Variants in NPAS3 observed in about 807,000 individuals in gnomAD.
NPAS3 encodes the protein neuronal PAS domain-containing protein 3.
Under a neutral mutation model 73.1 loss-of-function variants are expected in NPAS3, and 14 were observed. The ratio of observed to expected loss-of-function variants is 0.19; its 90% confidence interval spans 0.13 to 0.30. The LOEUF is 0.30. Among genes scored for constraint, NPAS3 ranks in the 10% least tolerant of loss-of-function variants. The pLI, the probability that NPAS3 is intolerant of heterozygous loss-of-function variation, is 1.00. For synonymous variants in NPAS3, 620 were observed against 541.5 expected, an observed-to-expected ratio of 1.14 and a Z score of -2.01; for missense variants, 1,096 against 1,250.0, an observed-to-expected ratio of 0.88 and a Z score of 1.86.
At chr14:33,064,472 T>C (rs909957515) in intron 2 of NPAS3, among the ~76,000 whole-genome samples, 1 of 152,206 alleles carries the variant, frequency 6.6e-6, no homozygotes, top group Non-Finnish European at 1.5e-5. Flanking sequence ...TGGATTTGTG[T>C]TACCTTGGAG....
chr14:32,975,873 GT>G (rs1219672531), intron 1 of NPAS3, among the ~76,000 whole-genome samples: 5 of 107,260 alleles, frequency 4.7e-5, no homozygotes, highest in Non-Finnish European at 1.1e-4. Flanking sequence ...GTGTGTGTGT[GT>G]GTGTGTGTGT....
At chr14:33,555,324 T>G (rs1024539615) in intron 4 of NPAS3, among the ~76,000 whole-genome samples, 20 of 152,252 alleles carry the variant, frequency 1.3e-4, no homozygotes, top group Non-Finnish European at 1.2e-4. Flanking sequence ...TTGTGTAGGT[T>G]CTTTTTCATC....
chr14:33,265,997 A>G (rs575001509), intron 3 of NPAS3, among the ~76,000 whole-genome samples: 8 of 151,262 alleles, frequency 5.3e-5, no homozygotes, highest in South Asian at 2.1e-4. Flanking sequence ...TAAATATGTA[A>G]TATAAATAAA....
intron 4 of NPAS3, among the ~76,000 whole-genome samples, chr14:33,419,280 G>A (rs995947168): frequency 1.3e-5 from 2 of 151,690 alleles, no homozygotes; most frequent in Non-Finnish European, 2.9e-5. Flanking sequence ...AAGAGACAAA[G>A]ATAAGAAAGA....
At chr14:33,371,718 T>C (rs779316543) in intron 4 of NPAS3, among the ~76,000 whole-genome samples, 49 of 152,184 alleles carry the variant, frequency 3.2e-4, no homozygotes, top group African/African-American at 1.1e-3. Context: ...AAAGAGAAGA[T>C]AAAATATTGA....
chr14:33,560,223 A>AT lies in NPAS3; in HGVS notation c.558+17dup, dbSNP rs2055574208. ...AGGCCTCTCACAAGTAAGTAAAACA[A>AT]TTTTAGATTCTTGGCAGCGATTATG... On this transcript the variant is annotated intron_variant, in intron 5 of 11. Transcript: ENST00000356141. The AT allele has an allele frequency of 1.2e-6, 1 of 858,586 alleles. No homozygotes were observed. Among genetic ancestry groups the AT allele is most frequent in the African/African-American group, 1.6e-5 (1 of 60,838 alleles). 53.2% of individuals were successfully genotyped at this position (858,586 alleles called of 1,614,324 possible). A position where few individuals can be genotyped will look rare whatever the true frequency, so the allele number is the denominator to read the frequency against.
At chr14:33,263,333 C>T (rs928846853) in intron 3 of NPAS3, among the ~76,000 whole-genome samples, 7 of 152,316 alleles carry the variant, frequency 4.6e-5, no homozygotes, top group African/African-American at 9.6e-5. Context: ...CAGCTTTCTA[C>T]GTATGGCTAA....
At chr14:33,170,512 G>T (rs888398644) in intron 2 of NPAS3, among the ~76,000 whole-genome samples, 1 of 152,170 alleles carries the variant, frequency 6.6e-6, no homozygotes, top group Non-Finnish European at 1.5e-5. Context: ...TTTCATTAAA[G>T]ATTTCTCTAG....
At chr14:33,312,488 GA>G (rs2043042905) in intron 3 of NPAS3, among the ~76,000 whole-genome samples, 2 of 151,866 alleles carry the variant, frequency 1.3e-5, no homozygotes, top group African/African-American at 2.4e-5. Flanking sequence ...TTATTTTTTT[GA>G]AATCACTATG....
At chr14:33,053,733 T>C (rs890886525) in intron 1 of NPAS3, among the ~76,000 whole-genome samples, 14 of 152,212 alleles carry the variant, frequency 9.2e-5, no homozygotes, top group African/African-American at 3.4e-4. Flanking sequence ...GTACACAAGA[T>C]GTAAATGAAA....
intron 2 of NPAS3, among the ~76,000 whole-genome samples, chr14:33,200,408 T>C (rs977454705): frequency 1.3e-5 from 2 of 152,220 alleles, no homozygotes; most frequent in East Asian, 3.9e-4. Flanking sequence ...TTAATAATTA[T>C]GGTTTCTTTT....
chr14:33,551,135 T>C (rs2055093375), intron 4 of NPAS3, among the ~76,000 whole-genome samples: 1 of 152,248 alleles, frequency 6.6e-6, no homozygotes, highest in African/African-American at 2.4e-5. Flanking sequence ...CTGAACTATA[T>C]TTGTAACCAT....
At chr14:33,674,032 A>G (rs2059684340) in intron 5 of NPAS3, among the ~76,000 whole-genome samples, 1 of 152,302 alleles carries the variant, frequency 6.6e-6, no homozygotes, top group Admixed American at 6.5e-5. Flanking sequence ...GGCCACAGGG[A>G]GAAAAAGTCC....
chr14:33,247,375 T>G (rs2048430242), intron 3 of NPAS3, among the ~76,000 whole-genome samples: 1 of 152,248 alleles, frequency 6.6e-6, no homozygotes, highest in Non-Finnish European at 1.5e-5. Flanking sequence ...TGTTTTACAT[T>G]ACTTTTTTTC....
intron 4 of NPAS3, among the ~76,000 whole-genome samples, chr14:33,393,860 G>A (rs1411682496): frequency 1.3e-5 from 2 of 152,122 alleles, no homozygotes; most frequent in East Asian, 1.9e-4. Flanking sequence ...CTCACTTGAC[G>A]TCATTTTTGA....
intron 1 of NPAS3, among the ~76,000 whole-genome samples, chr14:33,048,795 T>G: frequency 6.6e-6 from 1 of 152,242 alleles, no homozygotes; most frequent in East Asian, 1.9e-4. Context: ...GCTGAGAGGT[T>G]TGACAATATG....
intron 7 of NPAS3, among the ~76,000 whole-genome samples, chr14:33,763,995 C>T (rs1215315387): frequency 6.6e-6 from 1 of 152,194 alleles, no homozygotes; most frequent in Non-Finnish European, 1.5e-5. Flanking sequence ...AGCAGAGTTG[C>T]ACTTCCCTAG....
chr14:33,639,953 C>T (rs1328924481), intron 5 of NPAS3, among the ~76,000 whole-genome samples: 1 of 152,164 alleles, frequency 6.6e-6, no homozygotes, highest in Non-Finnish European at 1.5e-5. Context: ...CACAGTGACT[C>T]ACACCTGTAG....
intron 3 of NPAS3, among the ~76,000 whole-genome samples, chr14:33,350,535 G>A (rs1383777465): frequency 6.6e-6 from 1 of 152,142 alleles, no homozygotes; most frequent in African/African-American, 2.4e-5. Context: ...CCCCCCTCTG[G>A]GTGTATGCAA....
Sources: allele counts gnomAD v4.1 joint callset (sites outside exome capture counted in the v4.1 genomes callset), GRCh38; gene constraint gnomAD v4.1.1; transcripts MANE v1.5; gene names NCBI Gene and HGNC (gene_info 2026-07-23, HGNC 2026-07-21).